Variants in CHRM2 observed in about 807,000 individuals in gnomAD.
CHRM2 encodes cholinergic receptor muscarinic 2, also known as muscarinic acetylcholine receptor M2.
A neutral mutation model predicts 25.0 loss-of-function variants in CHRM2; 8 were observed. The ratio of observed to expected loss-of-function variants is 0.32; its 90% confidence interval spans 0.19 to 0.58. The LOEUF (loss-of-function observed/expected upper bound fraction) is 0.58, where lower values mean the gene tolerates loss of function less well. Ranked by LOEUF, CHRM2 falls within the 20% of genes least tolerant of loss-of-function variation. The probability of loss-of-function intolerance (pLI) is 0.88; values close to 1 mark genes in which losing one functional copy is unlikely to be tolerated. For missense variants in CHRM2, 440 were observed against 567.1 expected, an observed-to-expected ratio of 0.78 and a Z score of 2.28; for synonymous variants, 202 against 205.7, an observed-to-expected ratio of 0.98 and a Z score of 0.15.
chr7:136,872,052 T>C (rs1015784665), intron 2 of CHRM2: 1 of 152,160 alleles, frequency 6.6e-6, no homozygotes, highest in Non-Finnish European at 1.5e-5. Context: ...AGGTGAGAAC[T>C]CCAGCCAAAT....
chr7:136,922,412 T>C (rs1192366380), intron 2 of CHRM2, among the ~76,000 whole-genome samples: 1 of 152,312 alleles, frequency 6.6e-6, no homozygotes, highest in South Asian at 2.1e-4. Context: ...TGCTTGGAAA[T>C]GCAAATCTGT....
chr7:136,872,186 G>C (rs1795866933), intron 2 of CHRM2, among the ~76,000 whole-genome samples: 1 of 152,180 alleles, frequency 6.6e-6, no homozygotes, highest in African/African-American at 2.4e-5. Flanking sequence ...ATAAAATAAA[G>C]AGGCATGTTT....
intron 2 of CHRM2, among the ~76,000 whole-genome samples, chr7:136,882,173 G>C (rs1181530775): frequency 6.6e-6 from 1 of 151,886 alleles, no homozygotes; most frequent in Admixed American, 6.6e-5. Flanking sequence ...TTTAGACACC[G>C]GCTTTACACA....
At chr7:136,920,726 C>CA (rs1798382305) in intron 2 of CHRM2, among the ~76,000 whole-genome samples, 1 of 152,146 alleles carries the variant, frequency 6.6e-6, no homozygotes, top group South Asian at 2.1e-4. Context: ...CATTGTTTCT[C>CA]AAAGCATAAG....
At chr7:136,985,692 A>G (rs531181754) in intron 2 of CHRM2, among the ~76,000 whole-genome samples, 1 of 152,196 alleles carries the variant, frequency 6.6e-6, no homozygotes, top group East Asian at 1.9e-4. Flanking sequence ...GCCTAAATCT[A>G]CCTGTCTTTT....
chr7:136,955,593 T>G (rs189721048), intron 2 of CHRM2, among the ~76,000 whole-genome samples: 16 of 152,274 alleles, frequency 1.1e-4, no homozygotes, highest in African/African-American at 3.9e-4. Context: ...TCAAAAGGAA[T>G]GTCCTGGCCT....
chr7:136,912,310 A>G (rs923205499), intron 2 of CHRM2, among the ~76,000 whole-genome samples: 4 of 152,106 alleles, frequency 2.6e-5, no homozygotes, highest in African/African-American at 9.6e-5. Context: ...ACAAATATTT[A>G]TTGAGTACCT....
At chr7:136,913,906 ACTATAT>A (rs1394160809) in intron 2 of CHRM2, among the ~76,000 whole-genome samples, 1 of 151,972 alleles carries the variant, frequency 6.6e-6, no homozygotes, top group Non-Finnish European at 1.5e-5. Context: ...CAAATGCAGC[ACTATAT>A]CTATTCGGAT....
intron 2 of CHRM2, among the ~76,000 whole-genome samples, chr7:136,990,768 A>C (rs537140833): frequency 6.6e-6 from 1 of 152,252 alleles, no homozygotes; most frequent in East Asian, 1.9e-4. Context: ...TTATGGTAAG[A>C]GTATGTTGAG....
chr7:137,008,945 G>A (rs1804628201), intron 3 of CHRM2, among the ~76,000 whole-genome samples: 1 of 152,034 alleles, frequency 6.6e-6, no homozygotes, highest in African/African-American at 2.4e-5. Flanking sequence ...GAGTCAGAGA[G>A]ACCTAAATTT....
At chr7:137,013,040 TTTGA>T (rs1584924556) in intron 3 of CHRM2, among the ~76,000 whole-genome samples, 1 of 152,014 alleles carries the variant, frequency 6.6e-6, no homozygotes, top group African/African-American at 2.4e-5. Context: ...CTAATTTTTC[TTTGA>T]TTGAACTACT....
intron 3 of CHRM2, among the ~76,000 whole-genome samples, chr7:137,011,215 G>GTGTGTATA: frequency 5.3e-4 from 71 of 134,330 alleles, no homozygotes; most frequent in African/African-American, 1.8e-3. Flanking sequence ...GTGTGTGTGT[G>GTGTGTATA]TATATATATA....
chr7:136,923,413 G>T (rs1241541028), intron 2 of CHRM2, among the ~76,000 whole-genome samples: 2 of 152,026 alleles, frequency 1.3e-5, no homozygotes, highest in Non-Finnish European at 2.9e-5. Flanking sequence ...TACACAAACG[G>T]ATCAGAGGAT....
chr7:136,894,071 T>A (rs2130575500), intron 2 of CHRM2, among the ~76,000 whole-genome samples: 1 of 152,258 alleles, frequency 6.6e-6, no homozygotes, highest in South Asian at 2.1e-4. Flanking sequence ...CTCTTCTTAA[T>A]CCTATCATCA....
intron 2 of CHRM2, among the ~76,000 whole-genome samples, chr7:136,930,018 A>G (rs1227793601): frequency 6.6e-6 from 1 of 152,160 alleles, no homozygotes; most frequent in African/African-American, 2.4e-5. Context: ...TGTTTCATTA[A>G]TTGGCAGAGA....
rs968889572 is a variant in CHRM2, at chr7:137,018,321, C to G, written c.*2055C>G. ...TAAATAACTTCAGTCATTACCCCCC[C>G]AAAGTAATCTTCCATATTTAAAGCA... On this transcript the variant is annotated 3_prime_UTR_variant, in exon 4 of 4. Coordinates refer to ENST00000680005, the MANE Select transcript of CHRM2 (RefSeq NM_001006630.2). 4.6e-5 allele frequency: 7 copies of G among 151,900 alleles called. No homozygotes were observed. The highest frequency in any genetic ancestry group is 1.7e-4 in the African/African-American group (7 of 41,424). The allele number at this position is 151,900 out of a possible 1,614,324, so 9.4% of individuals were successfully genotyped here.
At chr7:136,888,370 T>C in intron 2 of CHRM2, among the ~76,000 whole-genome samples, 1 of 152,240 alleles carries the variant, frequency 6.6e-6, no homozygotes, top group East Asian at 1.9e-4. Flanking sequence ...TCTAAGCACC[T>C]TTCTGATTTA....
chr7:136,947,711 A>T (rs2130842290), intron 2 of CHRM2, among the ~76,000 whole-genome samples: 1 of 152,290 alleles, frequency 6.6e-6, no homozygotes, highest in African/African-American at 2.4e-5. Flanking sequence ...TTACAGATCA[A>T]AAAATAGAGA....
At chr7:136,972,220 T>C (rs1801825383) in intron 2 of CHRM2, among the ~76,000 whole-genome samples, 1 of 152,180 alleles carries the variant, frequency 6.6e-6, no homozygotes, top group African/African-American at 2.4e-5. Flanking sequence ...CTAAAGGATT[T>C]ATTTTCTTTA....
Sources: allele counts gnomAD v4.1 joint callset (sites outside exome capture counted in the v4.1 genomes callset), GRCh38; gene constraint gnomAD v4.1.1; transcripts MANE v1.5; gene names NCBI Gene and HGNC (gene_info 2026-07-23, HGNC 2026-07-21).